The following KIRREL3 variants were observed in gnomAD, a reference collection of about 807,000 sequenced individuals.
KIRREL3 encodes kirre like nephrin family adhesion molecule 3, also known as kin of IRRE-like protein 3.
A neutral mutation model predicts 89.7 loss-of-function variants in KIRREL3; 36 were observed. The ratio of observed to expected loss-of-function variants is 0.40; its 90% CI spans 0.31 to 0.53. KIRREL3 has a LOEUF of 0.53. Ranked by LOEUF, KIRREL3 falls within the 20% of genes least tolerant of loss-of-function variation. The pLI, the probability that KIRREL3 is intolerant of heterozygous loss-of-function variation, is 0.49. For synonymous variants in KIRREL3, 445 were observed against 441.4 expected (o/e 1.01, Z -0.10); for missense variants, 864 against 1,056.6 (o/e 0.82, Z 2.53).
rs1468420502 is a variant in KIRREL3, at chr11:126,778,328, G to A, written c.56-215416C>T. On this transcript the variant is annotated intron_variant, in intron 1 of 16. Transcript: ENST00000525144. This position sits in a 1 kb window ranked among gnomAD's most constrained non-coding sequence, Gnocchi z 4.5. ...GCCAGGGGATTTGTCTTGAAGTTGT[G>A]TTTGCGTAGCAATCACCCATTTTTA... Among the ~76,000 whole-genome samples, 1 of 152,124 alleles carries A rather than the reference G, an allele frequency of 6.6e-6. No homozygotes were observed. The highest frequency in any genetic ancestry group is 2.4e-5 in the African/African-American group (1 of 41,428).
In KIRREL3 at chr11:126,687,891, C is replaced by T. The variant is rs181381909; in HGVS notation, c.56-124979G>A. 7.9e-4 allele frequency among the ~76,000 whole-genome samples: 121 copies of T among 152,272 alleles called. No individual in the cohort carries two copies. Among genetic ancestry groups the T allele is most frequent in the African/African-American group, 2.9e-3 (120 of 41,542 alleles). Reference sequence around the variant, plus strand: ...CTCCACTGCCAGCGAGGGAGAAAGCCCTCCTAGGCCCGAAGCAGCAAAAGA... The same window carrying T: ...CTCCACTGCCAGCGAGGGAGAAAGCTCTCCTAGGCCCGAAGCAGCAAAAGA... On this transcript the variant is annotated intron_variant, in intron 1 of 16. Coordinates refer to ENST00000525144, the MANE Select transcript of KIRREL3 (RefSeq NM_032531.4). The surrounding 1 kb of genome is among the most constrained non-coding windows in gnomAD (Gnocchi z 4.6).
chr11:126,850,828 T>C (rs1277980017), intron 1 of KIRREL3, among the ~76,000 whole-genome samples: 1 of 152,218 alleles, frequency 6.6e-6, no homozygotes, highest in Non-Finnish European at 1.5e-5. Context: ...TGGAGTACTC[T>C]GCCTGGGAGA....
At position 126,897,952 on chromosome 11, in the gene KIRREL3, T is replaced by TG. The variant is rs1832137393; in HGVS notation, c.55+102502dup. ...TCTGCCTCTGCTTGGGAAGGGGGAG[T>TG]GGGTGGGAGCTTGGACTGTCCACAC... is the stretch of plus-strand genomic sequence containing the variant. On this transcript the variant is annotated intron_variant, in intron 1 of 16. Transcript: ENST00000525144. This position sits in a 1 kb window ranked among gnomAD's most constrained non-coding sequence, Gnocchi z 4.2. Among the ~76,000 whole-genome samples the TG allele has an allele frequency of 1.3e-5, 2 of 151,660 alleles. No individual in the cohort carries two copies. The highest frequency in any genetic ancestry group is 4.2e-4 in the South Asian group (2 of 4,762).
rs1308812741 is a variant in KIRREL3 at position 126,953,576 on chromosome 11, A to G, written c.55+46879T>C. ...GCCTGCAAAAAAGATCATGGATGCA[A>G]ATGTGGATCAAATACACACACACAC... is the stretch of plus-strand genomic sequence containing the variant. On this transcript the variant is annotated intron_variant, in intron 1 of 16. Transcript: ENST00000525144. The surrounding 1 kb of genome is among the most constrained non-coding windows in gnomAD (Gnocchi z 5.2). Among the ~76,000 whole-genome samples the G allele has an allele frequency of 6.6e-6, 1 of 151,024 alleles. No individual in the cohort carries two copies. Among genetic ancestry groups the G allele is most frequent in the Non-Finnish European group, 1.5e-5 (1 of 67,894 alleles).
rs753283085 is a variant in KIRREL3 at position 126,440,503 on chromosome 11, G to T, written c.1299C>A (p.Gly433=). The T allele has an allele frequency of 6.2e-7, 1 of 1,601,754 alleles. No homozygotes were observed. Among genetic ancestry groups the T allele is most frequent in the Non-Finnish European group, 8.5e-7 (1 of 1,174,690 alleles). Residue 433 remains glycine (G), a synonymous_variant, in exon 11 of 17, where the codon GGC becomes GGA. Transcript: ENST00000525144. The part of the protein sequence containing the change: ...SSTQTQHALH[G]EKGQIKCFIR... ...TGAAGCACTTGATCTGGCCCTTCTCGCCGTGGAGGGCGTGCTGGGTCTGGG... is the reference window on the plus strand; with the variant it reads ...TGAAGCACTTGATCTGGCCCTTCTCTCCGTGGAGGGCGTGCTGGGTCTGGG...
intron 9 of KIRREL3, among the ~76,000 whole-genome samples, chr11:126,446,300 T>TTCTTTCTTTCTTTCTTTCTC (rs1565457865): frequency 2.0e-5 from 3 of 148,678 alleles, no homozygotes; most frequent in African/African-American, 7.5e-5. Context: ...CTTTCTTTCT[T>TTCTTTCTTTCTTTCTTTCTC]TCTCTCTCTC....
At chr11:126,789,406 T>C (rs1950571212) in intron 1 of KIRREL3, among the ~76,000 whole-genome samples, 1 of 152,186 alleles carries the variant, frequency 6.6e-6, no homozygotes, top group African/African-American at 2.4e-5. Flanking sequence ...TCAATTATCC[T>C]TCACTCCTGA....
chr11:126,825,200 C>T (rs777629491), intron 1 of KIRREL3, among the ~76,000 whole-genome samples: 3 of 152,100 alleles, frequency 2.0e-5, no homozygotes, highest in Non-Finnish European at 4.4e-5. Flanking sequence ...CAAAACGAAG[C>T]GCTTGGGCAT....
At chr11:126,963,310 T>TACACACACAC (rs10626906) in intron 1 of KIRREL3, among the ~76,000 whole-genome samples, 6 of 146,082 alleles carry the variant, frequency 4.1e-5, no homozygotes, top group African/African-American at 1.0e-4. Flanking sequence ...AGAACACACA[T>TACACACACAC]ACACACACAC....
rs1950853241 is a variant in KIRREL3 at position 126,797,563 on chromosome 11, G to T, written c.55+202892C>A. 6.6e-6 allele frequency among the ~76,000 whole-genome samples: 1 copy of T among 152,078 alleles called. No individual in the cohort carries two copies. Among genetic ancestry groups the T allele is most frequent in the Non-Finnish European group, 1.5e-5 (1 of 68,014 alleles). ...AGGGGGCACTAGAGTTTTATTAGTG[G>T]CTTACCATGGCACTTAGTCCCAATC... On this transcript the variant is annotated intron_variant, in intron 1 of 16. Transcript: ENST00000525144. The surrounding 1 kb of genome is among the most constrained non-coding windows in gnomAD (Gnocchi z 4.9).
intron 1 of KIRREL3, among the ~76,000 whole-genome samples, chr11:126,617,225 T>G (rs1163709616): frequency 1.3e-5 from 2 of 152,230 alleles, no homozygotes; most frequent in African/African-American, 4.8e-5. Flanking sequence ...GGAAAGGTGA[T>G]GTCATCATGA....
intron 1 of KIRREL3, among the ~76,000 whole-genome samples, chr11:126,888,696 C>T (rs1417441415): frequency 6.6e-6 from 1 of 152,126 alleles, no homozygotes; most frequent in African/African-American, 2.4e-5. Flanking sequence ...GGTGACGCCG[C>T]TCGAGGTTTA....
At position 126,877,062 on chromosome 11, in the gene KIRREL3, C is replaced by T. The variant is rs537902591; in HGVS notation, c.55+123393G>A. Among the ~76,000 whole-genome samples the T allele has an allele frequency of 6.6e-6, 1 of 152,278 alleles. No individual in the cohort carries two copies. The highest frequency in any genetic ancestry group is 2.4e-5 in the African/African-American group (1 of 41,562). ...AATAAAGGTTGGTTGTGGCGCTTGG[C>T]CAAAGCAGGGCTGGGGACCTCTTGC... On this transcript the variant is annotated intron_variant, in intron 1 of 16. Transcript: ENST00000525144. This position sits in a 1 kb window ranked among gnomAD's most constrained non-coding sequence, Gnocchi z 4.9.
chr11:126,831,455 A>G (rs185869310), intron 1 of KIRREL3, among the ~76,000 whole-genome samples: 16 of 61,302 alleles, frequency 2.6e-4, no homozygotes, highest in Admixed American at 1.9e-3. Context: ...CTCTCTCTTT[A>G]CCCAACCACT....
At chr11:126,841,519 A>T (rs1480749535) in intron 1 of KIRREL3, among the ~76,000 whole-genome samples, 1 of 152,216 alleles carries the variant, frequency 6.6e-6, no homozygotes, top group Non-Finnish European at 1.5e-5. Context: ...GCACCATAAG[A>T]TTGCTGTAAT....
rs1956614244 is a variant in KIRREL3 at position 126,463,362 on chromosome 11, C to T, written c.592-55G>A. ...CTCCATGTCGCTTGGCTGGGGTGGCCAGCCTGGGTTGGGGGTAAACGAGCA... is the reference window on the plus strand; with the variant it reads ...CTCCATGTCGCTTGGCTGGGGTGGCTAGCCTGGGTTGGGGGTAAACGAGCA... On this transcript the variant is annotated intron_variant, in intron 5 of 16. Transcript: ENST00000525144. This position sits in a 1 kb window ranked among gnomAD's most constrained non-coding sequence, Gnocchi z 5.9. 5.1e-6 allele frequency: 8 copies of T among 1,567,196 alleles called. No individual in the cohort carries two copies. In the East Asian group the frequency reaches 1.1e-4, roughly 22 times the overall value.
chr11:126,976,698 G>T lies in KIRREL3; in HGVS notation c.55+23757C>A, dbSNP rs1438159946. 6.6e-6 allele frequency among the ~76,000 whole-genome samples: 1 copy of T among 152,110 alleles called. No homozygotes were observed. The highest frequency in any genetic ancestry group is 1.5e-5 in the Non-Finnish European group (1 of 68,032). The stretch of plus-strand genomic sequence containing the variant: ...TAATATTTATTGAATTTTTCTATGT[G>T]TCAGATAATATGCTGTACTTGCAGC... On this transcript the variant is annotated intron_variant, in intron 1 of 16. Transcript: ENST00000525144. This position sits in a 1 kb window ranked among gnomAD's most constrained non-coding sequence, Gnocchi z 4.2.
At chr11:126,947,222 G>T (rs1241387028) in intron 1 of KIRREL3, among the ~76,000 whole-genome samples, 1 of 152,138 alleles carries the variant, frequency 6.6e-6, no homozygotes, top group Non-Finnish European at 1.5e-5. Context: ...GGCTTCACTA[G>T]TTCTCATTTT....
intron 13 of KIRREL3, among the ~76,000 whole-genome samples, chr11:126,433,126 G>A (rs1022404483): frequency 3.9e-5 from 6 of 152,184 alleles, no homozygotes; most frequent in African/African-American, 1.2e-4. Context: ...TGATCCGCCC[G>A]CCTCAGCCTC....
Sources: gnomAD v4.1 joint callset for allele counts (sites outside exome capture counted in the v4.1 genomes callset) on GRCh38, gnomAD v4.1.1 for gene constraint, Gnocchi (gnomAD v3.1) non-coding constraint, MANE v1.5 for transcripts, NCBI Gene and HGNC (gene_info 2026-07-23, HGNC 2026-07-21) for gene names.